Variants in SCRT2 observed in about 807,000 individuals in gnomAD.
SCRT2 encodes transcriptional repressor scratch 2.
In SCRT2, 2 loss-of-function variants were observed where a neutral mutation model predicts 3.7. The observed-to-expected ratio is 0.54, with a 90% CI of 0.22 to 1.70. The LOEUF is 1.70. SCRT2 is among the 40% of genes most tolerant of loss of function. The probability of loss-of-function intolerance (pLI) is 0.19; values close to 1 mark genes in which losing one functional copy is unlikely to be tolerated. For missense variants in SCRT2, 456 were observed against 468.5 expected, an observed-to-expected ratio of 0.97 and a Z score of 0.25; for synonymous variants, 256 against 220.6, an observed-to-expected ratio of 1.16 and a Z score of -1.42.
At position 663,264 on chromosome 20, in the gene SCRT2, C is replaced by T; in HGVS notation, c.*407G>A. On this transcript the variant is annotated 3_prime_UTR_variant, in exon 2 of 2. Transcript: ENST00000246104. This position sits in a 1 kb window ranked among gnomAD's most constrained non-coding sequence, Gnocchi z 6.9. Reference sequence around the variant, plus strand: ...GGTTTGCGGCTTTCATTGGGGGCTCCAGTAGAGGAATGGTCAGAGAGATTC... The same window carrying T: ...GGTTTGCGGCTTTCATTGGGGGCTCTAGTAGAGGAATGGTCAGAGAGATTC... 1 of 185,130 alleles carries T rather than the reference C, an allele frequency of 5.4e-6. No homozygotes were observed. Among genetic ancestry groups the T allele is most frequent in the Non-Finnish European group, 1.1e-5 (1 of 90,368 alleles). 11.5% of individuals were successfully genotyped at this position (185,130 alleles called of 1,614,324 possible).
At position 675,536 on chromosome 20, in the gene SCRT2, G is replaced by A; in HGVS notation, c.66C>T (p.Ala22=). 7.1e-7 allele frequency: 1 copy of A among 1,398,892 alleles called. No homozygotes were observed. The highest frequency in any genetic ancestry group is 9.3e-7 in the Non-Finnish European group (1 of 1,072,442). The allele number at this position is 1,398,892 out of a possible 1,614,324, so 86.7% of individuals were successfully genotyped here. A position where few individuals can be genotyped will look rare whatever the true frequency, so the allele number is the denominator to read the frequency against. The change falls in exon 1 of 2, where the codon GCC becomes GCT. Residue 22 remains alanine, a synonymous_variant. Transcript: ENST00000246104. This position sits in a 1 kb window ranked among gnomAD's most constrained non-coding sequence, Gnocchi z 6.9. ...GDGFQCSGVP[A]PTYHPLETAY... ...CTGTCTCCAAGGGGTGGTAGGTGGG[G>A]GCCGGCACCCCGCTGCACTGGAAGC... is the stretch of plus-strand genomic sequence containing the variant.
chr20:672,832 G>A (rs758563697), intron 1 of SCRT2, among the ~76,000 whole-genome samples: 16 of 146,620 alleles, frequency 1.1e-4, no homozygotes, highest in Admixed American at 9.0e-4. Context: ...ACTTACACAC[G>A]CTGAGAGAGA....
rs1984486401 is a variant in SCRT2 at position 675,152 on chromosome 20, C to T, written c.133+317G>A. 6.6e-6 allele frequency among the ~76,000 whole-genome samples: 1 copy of T among 152,184 alleles called. No homozygotes were observed. Among genetic ancestry groups the T allele is most frequent in the South Asian group, 2.1e-4 (1 of 4,830 alleles). ...GTGCCTTGTGCCTCAGTGCCCAGCG[C>T]TGGCCTTTCACGAGCAGCCCCGTCT... On this transcript the variant is annotated intron_variant, in intron 1 of 1. Transcript: ENST00000246104. This position sits in a 1 kb window ranked among gnomAD's most constrained non-coding sequence, Gnocchi z 6.9.
chr20:670,000 C>T (rs78125883), intron 1 of SCRT2, among the ~76,000 whole-genome samples: 5,968 of 152,260 alleles, frequency 0.039, 366 homozygotes, highest in African/African-American at 0.13. Context: ...CTGACCCAGG[C>T]CCAAGGAACT....
At chr20:672,041 A>T (rs540617671) in intron 1 of SCRT2, among the ~76,000 whole-genome samples, 32 of 152,010 alleles carry the variant, frequency 2.1e-4, no homozygotes, top group African/African-American at 5.8e-4. Flanking sequence ...GGCCTGGTGG[A>T]GTTGGAGGGT....
At position 663,867 on chromosome 20, in the gene SCRT2, G is replaced by A; in HGVS notation, c.728C>T (p.Ala243Val). Residue 243 changes from alanine (A) to valine (V), a missense_variant, in exon 2 of 2, where the codon GCG (alanine) becomes GTG (valine). Ala to Val is a moderately conservative substitution (Grantham distance 64). Coordinates refer to ENST00000246104, the MANE Select transcript of SCRT2 (RefSeq NM_033129.4). This position sits in a 1 kb window ranked among gnomAD's most constrained non-coding sequence, Gnocchi z 6.9. ...GTCGGCGAAGGCCTTGCCGCAGTGC[G>A]CGCAGCCGAACGGCTTTTCGCCGGT... The part of the protein sequence containing the change: ...SHTGEKPFGC[A>V]HCGKAFADRS... 6.3e-7 allele frequency: 1 copy of A among 1,598,612 alleles called. No individual in the cohort carries two copies. Among genetic ancestry groups the A allele is most frequent in the Non-Finnish European group, 8.5e-7 (1 of 1,174,942 alleles).
intron 1 of SCRT2, among the ~76,000 whole-genome samples, chr20:674,770 G>T (rs1984472554): frequency 6.6e-6 from 1 of 151,120 alleles, no homozygotes; most frequent in Non-Finnish European, 1.5e-5. Flanking sequence ...GAGCAGCAGG[G>T]TTGGTTCTGG....
In SCRT2 at chr20:665,570, G is replaced by A. The variant is rs983095229; in HGVS notation, c.134-1109C>T. ...AGGCTGGGGTCTCCCTGGGGATTCC[G>A]TAGGGGATTCTCATGGGCAGGGGCC... On this transcript the variant is annotated intron_variant, in intron 1 of 1. Coordinates refer to ENST00000246104, the MANE Select transcript of SCRT2 (RefSeq NM_033129.4). The surrounding 1 kb of genome is among the most constrained non-coding windows in gnomAD (Gnocchi z 5.0). 2.6e-5 allele frequency among the ~76,000 whole-genome samples: 4 copies of A among 152,176 alleles called. No individual in the cohort carries two copies. Among genetic ancestry groups the A allele is most frequent in the African/African-American group, 7.2e-5 (3 of 41,442 alleles).
intron 1 of SCRT2, among the ~76,000 whole-genome samples, chr20:669,736 CG>C (rs1321042374): frequency 6.6e-6 from 1 of 152,214 alleles, no homozygotes; most frequent in African/African-American, 2.4e-5. Flanking sequence ...AGCAGCAAAG[CG>C]GGATAAAAAT....
rs1271504504 is a variant in SCRT2 at position 665,303 on chromosome 20, A to G, written c.134-842T>C. On this transcript the variant is annotated intron_variant, in intron 1 of 1. Coordinates refer to ENST00000246104, the MANE Select transcript of SCRT2 (RefSeq NM_033129.4). This position sits in a 1 kb window ranked among gnomAD's most constrained non-coding sequence, Gnocchi z 5.0. ...TAGGTGTGCGATGAATAGATGTTGC[A>G]TGAAGGAATCACAATCCAGTTAGAC... is the stretch of plus-strand genomic sequence containing the variant. Among the ~76,000 whole-genome samples, 1 of 152,248 alleles carries G rather than the reference A, an allele frequency of 6.6e-6. No homozygotes were observed. The highest frequency in any genetic ancestry group is 1.9e-4 in the East Asian group (1 of 5,208).
In SCRT2 at chr20:663,789, C is replaced by T; in HGVS notation, c.806G>A (p.Arg269His). 1.9e-6 allele frequency: 3 copies of T among 1,593,164 alleles called. No homozygotes were observed. Among genetic ancestry groups the T allele is most frequent in the Non-Finnish European group, 2.6e-6 (3 of 1,172,018 alleles). ...MQTHSAFKHY[R>H]CRQCDKSFAL... ...GAAGCTCTTGTCGCACTGGCGGCAG[C>T]GGTAGTGCTTGAAGGCCGAGTGCGT... is the stretch of plus-strand genomic sequence containing the variant. Residue 269 changes from arginine (R) to histidine (H), a missense_variant, in exon 2 of 2, where the codon CGC (arginine) becomes CAC (histidine). Arg to His is a conservative substitution (Grantham distance 29). Around this residue, in one of 3 missense-constraint regions of SCRT2, gnomAD observed 144 missense variants for 141.9 expected, o/e 1.01. Coordinates refer to ENST00000246104, the MANE Select transcript of SCRT2 (RefSeq NM_033129.4). This position sits in a 1 kb window ranked among gnomAD's most constrained non-coding sequence, Gnocchi z 6.9.
chr20:675,463 A>T lies in SCRT2; in HGVS notation c.133+6T>A. ...CAACCCCCCGCCCCCGCCGGGTCCCACTCACCGTTGTCCCCGGGAGGCCCC... is the reference window on the plus strand; with the variant it reads ...CAACCCCCCGCCCCCGCCGGGTCCCTCTCACCGTTGTCCCCGGGAGGCCCC... On this transcript the variant is annotated splice_donor_region_variant and intron_variant, in intron 1 of 1. Transcript: ENST00000246104. The surrounding 1 kb of genome is among the most constrained non-coding windows in gnomAD (Gnocchi z 6.9). The T allele has an allele frequency of 7.6e-7, 1 of 1,317,104 alleles. No homozygotes were observed. The highest frequency in any genetic ancestry group is 2.4e-5 in the South Asian group (1 of 41,902). 81.6% of individuals were successfully genotyped at this position (1,317,104 alleles called of 1,614,324 possible).
In SCRT2 at chr20:663,708, T is replaced by C; in HGVS notation, c.887A>G (p.Glu296Gly). 3 of 1,520,818 alleles carry C rather than the reference T, an allele frequency of 2.0e-6. No individual in the cohort carries two copies. Among genetic ancestry groups the C allele is most frequent in the Non-Finnish European group, 2.6e-6 (3 of 1,136,862 alleles). The allele number at this position is 1,520,818 out of a possible 1,614,324, so 94.2% of individuals were successfully genotyped here. A position where few individuals can be genotyped will look rare whatever the true frequency, so the allele number is the denominator to read the frequency against. ...HCEAACAKAA[E>G]PPPPTPAGPA... ...GCCGGCGGGGGTCGGCGGGGGTGGC[T>C]CGGCCGCCTTGGCGCAGGCCGCCTC... The change falls in exon 2 of 2, where the codon GAG becomes GGG. Residue 296 changes from glutamate to glycine, a missense_variant. This residue lies in a region of SCRT2 where 144 missense variants were observed against 141.9 expected (regional missense o/e 1.01). Transcript: ENST00000246104. The surrounding 1 kb of genome is among the most constrained non-coding windows in gnomAD (Gnocchi z 6.9).
Position 665,005 on chromosome 20 carries a change from C to A in SCRT2, c.134-544G>T, listed in dbSNP as rs1600471726. On this transcript the variant is annotated intron_variant, in intron 1 of 1. Transcript: ENST00000246104. This position sits in a 1 kb window ranked among gnomAD's most constrained non-coding sequence, Gnocchi z 5.0. Reference sequence around the variant, plus strand: ...GACTGAGTAAAGTGACGATAATAAGCGTGTGTTAAGCTCTTACTGTTTGCC... The same window carrying A: ...GACTGAGTAAAGTGACGATAATAAGAGTGTGTTAAGCTCTTACTGTTTGCC... Among the ~76,000 whole-genome samples the A allele has an allele frequency of 6.6e-6, 1 of 152,154 alleles. No individual in the cohort carries two copies. The highest frequency in any genetic ancestry group is 1.5e-5 in the Non-Finnish European group (1 of 68,036).
rs1357971959 is a variant in SCRT2, at chr20:663,521, G to A, written c.*150C>T. On this transcript the variant is annotated 3_prime_UTR_variant, in exon 2 of 2. Coordinates refer to ENST00000246104, the MANE Select transcript of SCRT2 (RefSeq NM_033129.4). This position sits in a 1 kb window ranked among gnomAD's most constrained non-coding sequence, Gnocchi z 6.9. ...GTGAGTCGTGGGTTTGGGGGTTGGG[G>A]AGAAAAGTTCCGGGCCGGGCCGGGG... is the stretch of plus-strand genomic sequence containing the variant. The A allele has an allele frequency of 1.5e-6, 1 of 657,020 alleles. No homozygotes were observed. The highest frequency in any genetic ancestry group is 1.9e-5 in the African/African-American group (1 of 52,060). The allele number at this position is 657,020 out of a possible 1,614,324, so 40.7% of individuals were successfully genotyped here.
intron 1 of SCRT2, among the ~76,000 whole-genome samples, chr20:668,978 C>G (rs1317222907): frequency 1.3e-5 from 2 of 152,196 alleles, no homozygotes; most frequent in Non-Finnish European, 2.9e-5. Flanking sequence ...CCCAAGGTCA[C>G]TGAGAGGGAG....
In SCRT2 at chr20:663,609, G is replaced by A. The variant is rs1984033175; in HGVS notation, c.*62C>T. Reference sequence around the variant, plus strand: ...GGGGCTGGGCGAGGGCGCTGCGGGCGCAGGTAGGGGGCCCGGGGCGCGTGG... The same window carrying A: ...GGGGCTGGGCGAGGGCGCTGCGGGCACAGGTAGGGGGCCCGGGGCGCGTGG... On this transcript the variant is annotated 3_prime_UTR_variant, in exon 2 of 2. Coordinates refer to ENST00000246104, the MANE Select transcript of SCRT2 (RefSeq NM_033129.4). The surrounding 1 kb of genome is among the most constrained non-coding windows in gnomAD (Gnocchi z 6.9). 8.6e-6 allele frequency: 11 copies of A among 1,282,286 alleles called. No homozygotes were observed. The East Asian group carries it at 3.5e-4, about 41-fold the overall frequency. 79.4% of individuals were successfully genotyped at this position (1,282,286 alleles called of 1,614,324 possible).
In SCRT2 at chr20:664,122, G is replaced by GC; in HGVS notation, c.472dup (p.Ala158GlyfsTer232). On this transcript the variant is annotated frameshift_variant, in exon 2 of 2. Transcript: ENST00000246104. LOFTEE classifies it low-confidence loss of function (END_TRUNC). The surrounding 1 kb of genome is among the most constrained non-coding windows in gnomAD (Gnocchi z 7.9). ...CGTGGCGTAGGTCTTGCCGCACTCGGCGCACGCGTGCCGGTGCCCGCCGCC... is the reference window on the plus strand; with the variant it reads ...CGTGGCGTAGGTCTTGCCGCACTCGGCCGCACGCGTGCCGGTGCCCGCCGCC... 2 of 1,526,780 alleles carry GC rather than the reference G, an allele frequency of 1.3e-6. No homozygotes were observed. The highest frequency in any genetic ancestry group is 1.8e-6 in the Non-Finnish European group (2 of 1,137,290). The allele number at this position is 1,526,780 out of a possible 1,614,324, so 94.6% of individuals were successfully genotyped here. A position where few individuals can be genotyped will look rare whatever the true frequency, so the allele number is the denominator to read the frequency against.
intron 1 of SCRT2, among the ~76,000 whole-genome samples, chr20:671,949 A>T (rs974617836): frequency 1.3e-5 from 2 of 152,040 alleles, no homozygotes; most frequent in Non-Finnish European, 2.9e-5. Flanking sequence ...GAGACCACTG[A>T]CATGCATGTG....
Sources: gnomAD v4.1 joint callset for allele counts (sites outside exome capture counted in the v4.1 genomes callset) on GRCh38, gnomAD v4.1.1 for gene constraint, gnomAD v4.1.1 regional missense constraint, Gnocchi (gnomAD v3.1) non-coding constraint, MANE v1.5 for transcripts, NCBI Gene and HGNC (gene_info 2026-07-23, HGNC 2026-07-21) for gene names.